The following PAK3 variants were observed in gnomAD, a reference collection of about 807,000 sequenced individuals.
PAK3 encodes serine/threonine-protein kinase PAK 3.
In PAK3, 4 loss-of-function variants were observed where a neutral mutation model predicts 41.0. That is an observed-to-expected ratio of 0.10 (90% CI 0.05 to 0.22). The LOEUF is 0.22. Ranked by LOEUF, PAK3 falls within the 10% of genes least tolerant of loss-of-function variation. The probability of loss-of-function intolerance (pLI) is 1.00; values close to 1 mark genes in which losing one functional copy is unlikely to be tolerated. For synonymous variants in PAK3, 146 were observed against 139.6 expected, an observed-to-expected ratio of 1.05 and a Z score of -0.32; for missense variants, 205 against 409.9, an observed-to-expected ratio of 0.50 and a Z score of 4.32.
intron 1 of PAK3, among the ~76,000 whole-genome samples, chrX:111,030,172 G>A (rs2092323799): frequency 9.0e-6 from 1 of 111,388 alleles, no homozygotes; most frequent in African/African-American, 3.3e-5. Context: ...TAAAATATAT[G>A]AGTATCTACA....
intron 1 of PAK3, among the ~76,000 whole-genome samples, chrX:111,027,846 T>C (rs774960647): frequency 9.1e-6 from 1 of 109,678 alleles, no homozygotes; most frequent in Admixed American, 9.9e-5. Context: ...GAAGTCACTA[T>C]ATGAAAAAGA....
intron 3 of PAK3, among the ~76,000 whole-genome samples, chrX:111,101,035 G>C (rs1569325092): frequency 8.9e-6 from 1 of 112,210 alleles, no homozygotes; most frequent in Admixed American, 9.4e-5. Flanking sequence ...GGATGGAAGA[G>C]ATGCAATTCA....
At chrX:110,945,580 C>A (rs1478870019) in intron 1 of PAK3, among the ~76,000 whole-genome samples, 1 of 112,001 alleles carries the variant, frequency 8.9e-6, no homozygotes, top group African/African-American at 3.2e-5. Context: ...GCAGTGCCTT[C>A]CCACACCCAT....
At chrX:111,173,843 C>T (rs969867536) in intron 11 of PAK3, among the ~76,000 whole-genome samples, 2 of 111,492 alleles carry the variant, frequency 1.8e-5, no homozygotes, top group African/African-American at 6.5e-5. Flanking sequence ...TGAAACTAGG[C>T]AGGTGGATCT....
At chrX:111,141,829 T>G (rs1418550104) in intron 5 of PAK3, among the ~76,000 whole-genome samples, 2 of 112,302 alleles carry the variant, frequency 1.8e-5, no homozygotes, top group Non-Finnish European at 3.8e-5. Context: ...ATCTCCTGGT[T>G]ACACTGGTAA....
chrX:111,075,151 T>C (rs1409645539), intron 1 of PAK3, among the ~76,000 whole-genome samples: 2 of 112,651 alleles, frequency 1.8e-5, no homozygotes, highest in Admixed American at 9.3e-5. Flanking sequence ...AAAGGTATTT[T>C]CAGGAGTGGA....
At chrX:111,123,611 T>G (rs759001546) in intron 5 of PAK3, among the ~76,000 whole-genome samples, 15 of 112,598 alleles carry the variant, frequency 1.3e-4, no homozygotes, top group Non-Finnish European at 2.6e-4. Flanking sequence ...AATCCCTCCC[T>G]AACTATAAGT....
At chrX:111,084,309 C>G (rs960424847) in intron 1 of PAK3, among the ~76,000 whole-genome samples, 2 of 112,507 alleles carry the variant, frequency 1.8e-5, no homozygotes, top group African/African-American at 6.5e-5. Context: ...TGTAGGGAAA[C>G]TAGGTCAGAG....
At chrX:111,126,569 T>A (rs2093651760) in intron 5 of PAK3, among the ~76,000 whole-genome samples, 1 of 111,511 alleles carries the variant, frequency 9.0e-6, no homozygotes, top group Admixed American at 9.6e-5. Context: ...ATTGTGACAT[T>A]GGGCCAGTCA....
intron 1 of PAK3, among the ~76,000 whole-genome samples, chrX:111,039,238 C>T (rs1026072309): frequency 1.9e-4 from 21 of 112,441 alleles, no homozygotes; most frequent in Non-Finnish European, 3.6e-4. Context: ...GCCAGTTTTA[C>T]TTTCTGCCTT....
At chrX:111,017,483 G>A (rs902409516) in intron 1 of PAK3, among the ~76,000 whole-genome samples, 4 of 111,254 alleles carry the variant, frequency 3.6e-5, no homozygotes, top group African/African-American at 1.3e-4. Flanking sequence ...TAACAAATGT[G>A]GTAACCTAGA....
chrX:111,050,043 A>G (rs1254444240), intron 1 of PAK3, among the ~76,000 whole-genome samples: 1 of 111,911 alleles, frequency 8.9e-6, no homozygotes, highest in Admixed American at 9.5e-5. Context: ...ATAAAAATCA[A>G]CTGAAGGGGA....
intron 1 of PAK3, among the ~76,000 whole-genome samples, chrX:111,035,803 T>C (rs1269592252): frequency 3.6e-5 from 4 of 111,723 alleles, no homozygotes; most frequent in Non-Finnish European, 7.5e-5. Flanking sequence ...AAATTGAAGT[T>C]TGGAGAGAAA....
At chrX:110,973,573 A>T (rs1227683823) in intron 1 of PAK3, among the ~76,000 whole-genome samples, 1 of 112,138 alleles carries the variant, frequency 8.9e-6, no homozygotes, top group African/African-American at 3.2e-5. Context: ...AGCACTAAAC[A>T]TGGAAAGAAA....
chrX:111,123,059 T>A lies in PAK3; in HGVS notation c.-27-18T>A, dbSNP rs200786750. 1.8e-5 allele frequency: 19 copies of A among 1,044,558 alleles called. No individual in the cohort carries two copies. The Admixed American group carries it at 2.4e-4, about 13-fold the overall frequency. 86.1% of individuals were successfully genotyped at this position (1,044,558 alleles called of 1,213,427 possible). ...CCTCTTCTCCCTCAACTCCTTTTTT[T>A]TCCCTCCTTTTCTTTAGGAGCTGTG... On this transcript the variant is annotated intron_variant, in intron 4 of 17. Coordinates refer to ENST00000372007, the MANE Select transcript of PAK3 (RefSeq NM_002578.5).
chrX:111,183,840 G>A (rs982668604), intron 11 of PAK3, among the ~76,000 whole-genome samples: 5 of 111,749 alleles, frequency 4.5e-5, no homozygotes, highest in Non-Finnish European at 7.5e-5. Flanking sequence ...GTCAGGGAGA[G>A]ACTGTTGACA....
At chrX:110,980,604 G>T (rs1160595356) in intron 1 of PAK3, among the ~76,000 whole-genome samples, 2 of 111,694 alleles carry the variant, frequency 1.8e-5, no homozygotes, top group Non-Finnish European at 3.8e-5. Context: ...ATGGATAGGA[G>T]AAACGACATA....
rs188185263 is a variant in PAK3 at position 111,219,121 on chromosome X, C to T, written c.1546-1237C>T. ...AAGAGAATCACTTGAACCTGGGAGGCGGAAGTTGCAGTGAGCTGAGATTGT... is the reference window on the plus strand; with the variant it reads ...AAGAGAATCACTTGAACCTGGGAGGTGGAAGTTGCAGTGAGCTGAGATTGT... On this transcript the variant is annotated intron_variant, in intron 17 of 17. Transcript: ENST00000372007. Among the ~76,000 whole-genome samples the T allele has an allele frequency of 2.3e-3, 249 of 106,333 alleles. 1 individual carries two copies. Among genetic ancestry groups the T allele is most frequent in the Non-Finnish European group, 3.6e-3 (185 of 51,812 alleles). The allele number at this position is 106,333 out of a possible 115,157, so 92.3% of individuals were successfully genotyped here. A position where few individuals can be genotyped will look rare whatever the true frequency, so the allele number is the denominator to read the frequency against.
rs772578102 is a variant in PAK3, at chrX:111,060,898, T to A, written c.-27-62179T>A. Among the ~76,000 whole-genome samples, 121 of 111,554 alleles carry A rather than the reference T, an allele frequency of 1.1e-3. 1 individual carries two copies. Among genetic ancestry groups the A allele is most frequent in the Non-Finnish European group, 1.8e-3 (97 of 53,018 alleles). On this transcript the variant is annotated intron_variant, in intron 1 of 14. Coordinates refer to the PAK3 transcript ENST00000425146. ...TTTTATTGCCAATACTTGATTTTTT[T>A]AAAAAAAATTACATTTTGAAAATTG... is the stretch of plus-strand genomic sequence containing the variant.
Sources: allele counts gnomAD v4.1 joint callset (sites outside exome capture counted in the v4.1 genomes callset), GRCh38; gene constraint gnomAD v4.1.1; transcripts MANE v1.5; gene names NCBI Gene and HGNC (gene_info 2026-07-23, HGNC 2026-07-21).